The following SNTG1 variants were observed in gnomAD, a reference collection of about 807,000 sequenced individuals.
The protein encoded by SNTG1 is gamma-1-syntrophin.
Under a neutral mutation model 74.7 loss-of-function variants are expected in SNTG1, and 39 were observed. The ratio of observed to expected loss-of-function variants is 0.52; its 90% CI spans 0.40 to 0.68. SNTG1 has a LOEUF of 0.68. Ranked by LOEUF, SNTG1 falls within the 30% of genes least tolerant of loss-of-function variation. SNTG1 has a pLI of 0.00. For missense variants in SNTG1, 685 were observed against 609.5 expected (o/e 1.12, Z -1.30); for synonymous variants, 254 against 217.1 (o/e 1.17, Z -1.49).
chr8:50,046,259 G>A (rs572724691), intron 1 of SNTG1, among the ~76,000 whole-genome samples: 2 of 152,236 alleles, frequency 1.3e-5, no homozygotes, highest in East Asian at 3.9e-4. Context: ...GGAGTTTTCT[G>A]ATCTCCAAAC....
At chr8:50,446,450 C>T (rs985628269) in intron 5 of SNTG1, among the ~76,000 whole-genome samples, 9 of 149,792 alleles carry the variant, frequency 6.0e-5, no homozygotes, top group South Asian at 2.1e-4. Flanking sequence ...TCAAGGTGGG[C>T]GGATCACCTG....
intron 8 of SNTG1, among the ~76,000 whole-genome samples, chr8:50,472,297 T>A (rs997371915): frequency 6.6e-6 from 1 of 152,166 alleles, no homozygotes; most frequent in African/African-American, 2.4e-5. Flanking sequence ...CAAAACTTAT[T>A]ACAAATCTAC....
chr8:50,156,823 A>G (rs1044285716), intron 1 of SNTG1, among the ~76,000 whole-genome samples: 1 of 152,116 alleles, frequency 6.6e-6, no homozygotes, highest in African/African-American at 2.4e-5. Context: ...ATCTTGGGCT[A>G]CCACGTCACA....
At chr8:50,551,541 A>G (rs2094426773) in intron 11 of SNTG1, among the ~76,000 whole-genome samples, 1 of 152,180 alleles carries the variant, frequency 6.6e-6, no homozygotes, top group Non-Finnish European at 1.5e-5. Context: ...AATATGTATT[A>G]CTAAACTCCA....
At chr8:50,266,678 G>GTATA (rs1160066855) in intron 2 of SNTG1, among the ~76,000 whole-genome samples, 23 of 136,904 alleles carry the variant, frequency 1.7e-4, no homozygotes, top group African/African-American at 6.6e-4. Context: ...GTGTGTGTGT[G>GTATA]TGTGTGTATA....
chr8:50,217,140 TATTA>T (rs1300028339), intron 2 of SNTG1, among the ~76,000 whole-genome samples: 14 of 152,114 alleles, frequency 9.2e-5, no homozygotes, highest in African/African-American at 2.9e-4. Context: ...AGTGTAGACA[TATTA>T]ATTAATAAAA....
intron 1 of SNTG1, among the ~76,000 whole-genome samples, chr8:49,923,047 C>G (rs919617870): frequency 6.6e-5 from 10 of 152,068 alleles, no homozygotes; most frequent in Admixed American, 6.6e-4. Context: ...TTGTTTAAGG[C>G]CCTTTTTCTT....
At chr8:50,183,087 C>T (rs753161879) in intron 2 of SNTG1, among the ~76,000 whole-genome samples, 2 of 152,038 alleles carry the variant, frequency 1.3e-5, no homozygotes, top group Admixed American at 6.6e-5. Flanking sequence ...TTACCTTGCT[C>T]CTCCTTGCTT....
chr8:50,417,060 T>G (rs1054514783), intron 4 of SNTG1, among the ~76,000 whole-genome samples: 1 of 152,164 alleles, frequency 6.6e-6, no homozygotes, highest in Non-Finnish European at 1.5e-5. Flanking sequence ...AAATTCTAGG[T>G]GGTTTTAAAC....
At chr8:49,944,280 G>T (rs1808957583) in intron 1 of SNTG1, among the ~76,000 whole-genome samples, 1 of 152,100 alleles carries the variant, frequency 6.6e-6, no homozygotes, top group Admixed American at 6.5e-5. Flanking sequence ...TCTGTAGGCT[G>T]TAGGGTGTGA....
At chr8:50,462,739 T>C (rs1255373464) in intron 8 of SNTG1, among the ~76,000 whole-genome samples, 1 of 149,578 alleles carries the variant, frequency 6.7e-6, no homozygotes, top group Non-Finnish European at 1.5e-5. Context: ...CAGCTCCTCA[T>C]GTATTCATGT....
chr8:50,735,089 A>G (rs919787260), intron 17 of SNTG1, among the ~76,000 whole-genome samples: 8 of 151,064 alleles, frequency 5.3e-5, no homozygotes, highest in African/African-American at 1.9e-4. Context: ...CATTACTACT[A>G]TCTGTTCATC....
At chr8:50,235,872 CA>C (rs201059694) in intron 2 of SNTG1, among the ~76,000 whole-genome samples, 2 of 143,846 alleles carry the variant, frequency 1.4e-5, no homozygotes, top group African/African-American at 2.6e-5. Context: ...AAACTTCAGC[CA>C]AAAAAAAAGA....
intron 16 of SNTG1, chr8:50,708,218 A>T: frequency 6.2e-6 from 1 of 161,322 alleles, no homozygotes; most frequent in East Asian, 1.7e-4. Context: ...AAAACCCCAA[A>T]CAAGAAAAAT....
rs567198228 is a variant in SNTG1, at chr8:50,170,975, G to A, written c.-102-1586G>A. Among the ~76,000 whole-genome samples, 30 of 152,234 alleles carry A rather than the reference G, an allele frequency of 2.0e-4. 1 individual carries two copies. Among genetic ancestry groups the A allele is most frequent in the African/African-American group, 3.4e-4 (14 of 41,550 alleles). On this transcript the variant is annotated intron_variant, in intron 1 of 18. Transcript: ENST00000642720. ...CCTTTGTAGGAGCTCCCACCTGATC[G>A]ATCAAGTATGGCCACCCAGTTAATC...
At chr8:50,291,193 C>A (rs1033797527) in intron 2 of SNTG1, among the ~76,000 whole-genome samples, 1 of 151,268 alleles carries the variant, frequency 6.6e-6, no homozygotes, top group South Asian at 2.1e-4. Context: ...CTTGCCTATT[C>A]GAAAGAGACA....
At chr8:50,501,088 A>T (rs2093947964) in intron 8 of SNTG1, among the ~76,000 whole-genome samples, 1 of 152,132 alleles carries the variant, frequency 6.6e-6, no homozygotes, top group African/African-American at 2.4e-5. Context: ...GGGGAAGGCT[A>T]GCACTTCTGC....
chr8:49,965,614 C>T (rs892240102), intron 1 of SNTG1, among the ~76,000 whole-genome samples: 1 of 152,178 alleles, frequency 6.6e-6, no homozygotes, highest in African/African-American at 2.4e-5. Context: ...CTTTTAGCTG[C>T]TTAATGTGGT....
intron 1 of SNTG1, among the ~76,000 whole-genome samples, chr8:49,948,450 C>A (rs1006253875): frequency 5.9e-5 from 9 of 152,300 alleles, no homozygotes; most frequent in African/African-American, 1.9e-4. Flanking sequence ...TTCCCCAAAT[C>A]TGCTGATTTT....
Sources: allele counts gnomAD v4.1 joint callset (sites outside exome capture counted in the v4.1 genomes callset), GRCh38; gene constraint gnomAD v4.1.1; transcripts MANE v1.5; gene names NCBI Gene and HGNC (gene_info 2026-07-23, HGNC 2026-07-21).